ADGRV1: variants seen among roughly 807,000 people sequenced by gnomAD.
The protein encoded by ADGRV1 is adhesion G protein-coupled receptor V1.
ADGRV1 carries 359 observed loss-of-function variants against 596.2 expected under a neutral mutation model. The observed-to-expected ratio is 0.60, with a 90% CI of 0.55 to 0.66. The LOEUF is 0.66. Ranked by LOEUF, ADGRV1 falls within the 30% of genes least tolerant of loss-of-function variation. The pLI is 0.00. For synonymous variants in ADGRV1, 2,681 were observed against 2,679.2 expected (o/e 1.00, Z -0.02); for missense variants, 7,274 against 7,575.6 (o/e 0.96, Z 1.48).
chr5:91,126,241 C>A (rs992661215), intron 87 of ADGRV1, among the ~76,000 whole-genome samples: 5 of 152,214 alleles, frequency 3.3e-5, no homozygotes, highest in African/African-American at 1.2e-4. Context: ...TGCCTCCACT[C>A]CCCTTCCACA....
intron 50 of ADGRV1, among the ~76,000 whole-genome samples, chr5:90,737,703 A>G (rs1444240581): frequency 6.6e-6 from 1 of 151,912 alleles, no homozygotes; most frequent in South Asian, 2.1e-4. Flanking sequence ...CCCTTTTTAT[A>G]GTTTTTTACT....
rs374007277 is a variant in ADGRV1 at position 90,815,608 on chromosome 5, C to T, written c.16079-11C>T. 6.9e-7 allele frequency: 1 copy of T among 1,442,366 alleles called. No individual in the cohort carries two copies. The highest frequency in any genetic ancestry group is 9.6e-7 in the Non-Finnish European group (1 of 1,045,176). The allele number at this position is 1,442,366 out of a possible 1,614,324, so 89.3% of individuals were successfully genotyped here. On this transcript the variant is annotated splice_polypyrimidine_tract_variant and intron_variant, in intron 74 of 89. Transcript: ENST00000405460. The stretch of plus-strand genomic sequence containing the variant: ...CTTGAATATATTATAGCCCTCCATT[C>T]TTTTTTTCAGGGAGTGACCTTCACA...
At chr5:91,130,887 C>A (rs1023853715) in intron 87 of ADGRV1, among the ~76,000 whole-genome samples, 3 of 152,212 alleles carry the variant, frequency 2.0e-5, no homozygotes, top group Non-Finnish European at 4.4e-5. Flanking sequence ...GATTCTGTTT[C>A]TCTATTAATT....
intron 1 of ADGRV1, among the ~76,000 whole-genome samples, chr5:90,609,144 A>G (rs979925735): frequency 6.6e-6 from 1 of 152,058 alleles, no homozygotes; most frequent in African/African-American, 2.4e-5. Context: ...ATGTACACAC[A>G]TAAACAATCT....
intron 4 of ADGRV1, among the ~76,000 whole-genome samples, chr5:90,620,620 T>C (rs1175541589): frequency 6.6e-6 from 1 of 152,094 alleles, no homozygotes; most frequent in Admixed American, 6.5e-5. Context: ...CATTTGTCAA[T>C]TTTGTCTTTT....
At chr5:90,991,114 A>C in intron 85 of ADGRV1, among the ~76,000 whole-genome samples, 1 of 152,318 alleles carries the variant, frequency 6.6e-6, no homozygotes, top group Middle Eastern at 3.4e-3. Flanking sequence ...GACATGCCAT[A>C]CAGAGGTGAG....
chr5:90,812,456 A>G (rs1211457957), intron 74 of ADGRV1, among the ~76,000 whole-genome samples: 1 of 152,210 alleles, frequency 6.6e-6, no homozygotes, highest in Non-Finnish European at 1.5e-5. Context: ...CATTACCTCA[A>G]GTACTTAACT....
In ADGRV1 at chr5:90,558,853, G is replaced by A; in HGVS notation, c.-43G>A. 1 of 1,557,672 alleles carries A rather than the reference G, an allele frequency of 6.4e-7. No homozygotes were observed. Among genetic ancestry groups the A allele is most frequent in the Non-Finnish European group, 8.7e-7 (1 of 1,149,212 alleles). ...TACGGACGGGAGTCAGAGGCAGAGC[G>A]AGGGTGTGTGGAGGGCCGGCGGGGA... On this transcript the variant is annotated 5_prime_UTR_variant, in exon 1 of 90. Coordinates refer to ENST00000405460, the MANE Select transcript of ADGRV1 (RefSeq NM_032119.4).
chr5:90,892,135 T>G (rs1321858148), intron 83 of ADGRV1, among the ~76,000 whole-genome samples: 3 of 152,022 alleles, frequency 2.0e-5, no homozygotes, highest in Non-Finnish European at 4.4e-5. Context: ...ATTTATCCAC[T>G]TCTTTTGCTT....
At chr5:90,752,434 G>C (rs1487707709) in intron 53 of ADGRV1, among the ~76,000 whole-genome samples, 1 of 152,032 alleles carries the variant, frequency 6.6e-6, no homozygotes, top group Non-Finnish European at 1.5e-5. Flanking sequence ...TATTTTTCCT[G>C]ATCCTCTCCC....
At chr5:91,089,445 A>G (rs1429353081) in intron 86 of ADGRV1, among the ~76,000 whole-genome samples, 1 of 152,142 alleles carries the variant, frequency 6.6e-6, no homozygotes, top group African/African-American at 2.4e-5. Context: ...ATCAAATCAA[A>G]TTTTAAATTT....
At chr5:90,807,452 C>T (rs879068571) in intron 72 of ADGRV1, 150 bp from the exon 73 acceptor site, 21 of 675,370 alleles carry the variant, frequency 3.1e-5, no homozygotes, top group Non-Finnish European at 4.2e-5. Flanking sequence ...AAGTTTACCT[C>T]TCCCCCGACC....
At chr5:90,972,194 TC>T (rs1299956472) in intron 84 of ADGRV1, among the ~76,000 whole-genome samples, 1 of 152,156 alleles carries the variant, frequency 6.6e-6, no homozygotes, top group African/African-American at 2.4e-5. Context: ...GCACCCAGAT[TC>T]ATAAAGCAAG....
At chr5:90,841,816 C>T (rs892452409) in intron 78 of ADGRV1, among the ~76,000 whole-genome samples, 1 of 152,108 alleles carries the variant, frequency 6.6e-6, no homozygotes, top group South Asian at 2.1e-4. Flanking sequence ...TTTAGATAGT[C>T]GTGCATACTT....
chr5:90,608,316 G>C (rs970399396), intron 1 of ADGRV1, among the ~76,000 whole-genome samples: 2 of 151,920 alleles, frequency 1.3e-5, no homozygotes, highest in African/African-American at 4.8e-5. Flanking sequence ...ACATTGAAGG[G>C]AATTTACAGA....
intron 60 of ADGRV1, among the ~76,000 whole-genome samples, chr5:90,776,193 T>C (rs560038087): frequency 6.6e-6 from 1 of 152,288 alleles, no homozygotes; most frequent in South Asian, 2.1e-4. Context: ...TTCATGAGCA[T>C]GATAGGGCAA....
chr5:90,778,677 T>G, intron 63 of ADGRV1, 68 bp downstream of exon 63: 1 of 1,320,846 alleles, frequency 7.6e-7, no homozygotes, highest in Non-Finnish European at 1.0e-6. Context: ...TTTTCTTGTT[T>G]CTATTCCAGA....
chr5:90,759,065 G>T (rs1290922601), intron 57 of ADGRV1, among the ~76,000 whole-genome samples: 2 of 151,906 alleles, frequency 1.3e-5, no homozygotes, highest in Non-Finnish European at 2.9e-5. Flanking sequence ...TAAGAATAAG[G>T]ATTTATTGTT....
At chr5:90,672,216 A>G (rs998671152) in intron 21 of ADGRV1, among the ~76,000 whole-genome samples, 5 of 152,214 alleles carry the variant, frequency 3.3e-5, no homozygotes, top group African/African-American at 9.6e-5. Flanking sequence ...AGAAAGGACT[A>G]TGCATTAAAA....
Sources: gnomAD v4.1 joint callset for allele counts (sites outside exome capture counted in the v4.1 genomes callset) on GRCh38, gnomAD v4.1.1 for gene constraint, MANE v1.5 for transcripts, NCBI Gene and HGNC (gene_info 2026-07-23, HGNC 2026-07-21) for gene names.